The following MED12L variants were observed in gnomAD, a reference collection of about 807,000 sequenced individuals.
The protein encoded by MED12L is mediator complex subunit 12L, also known as mediator of RNA polymerase II transcription subunit 12-like protein.
A neutral mutation model predicts 281.3 loss-of-function variants in MED12L; 60 were observed. That is an observed-to-expected ratio of 0.21 (90% CI 0.17 to 0.26). The LOEUF (loss-of-function observed/expected upper bound fraction) is 0.26, where lower values mean the gene tolerates loss of function less well. Ranked by LOEUF, MED12L falls within the 10% of genes least tolerant of loss-of-function variation. The pLI, the probability that MED12L is intolerant of heterozygous loss-of-function variation, is 1.00. For synonymous variants in MED12L, 974 were observed against 987.2 expected, an observed-to-expected ratio of 0.99 and a Z score of 0.25; for missense variants, 2,146 against 2,680.9, an observed-to-expected ratio of 0.80 and a Z score of 4.41.
intron 38 of MED12L, among the ~76,000 whole-genome samples, chr3:151,391,441 C>T (rs533440895): frequency 6.6e-6 from 1 of 152,278 alleles, no homozygotes; most frequent in South Asian, 2.1e-4. Flanking sequence ...TAGACCCATA[C>T]CCCTTCCCTG....
intron 16 of MED12L, among the ~76,000 whole-genome samples, chr3:151,262,241 G>A (rs1361538216): frequency 1.3e-5 from 2 of 152,202 alleles, no homozygotes; most frequent in Non-Finnish European, 2.9e-5. Context: ...GTTTCAGGAT[G>A]TATCCCATCA....
At chr3:151,099,016 A>G (rs180953226) in intron 2 of MED12L, among the ~76,000 whole-genome samples, 11 of 152,314 alleles carry the variant, frequency 7.2e-5, no homozygotes, top group Non-Finnish European at 7.3e-5. Context: ...TTATAAAACC[A>G]TCAGCTCTCA....
chr3:151,204,851 A>T (rs1231521), intron 16 of MED12L, among the ~76,000 whole-genome samples: 36,675 of 152,088 alleles, frequency 0.24, 5,477 homozygotes, highest in Non-Finnish European at 0.32. Context: ...TCCTCGGTTC[A>T]CTTTAAGGTT....
At chr3:151,165,020 A>G (rs959093216) in intron 9 of MED12L, among the ~76,000 whole-genome samples, 1 of 86,960 alleles carries the variant, frequency 1.1e-5, no homozygotes, top group East Asian at 2.7e-4. Context: ...AAATAAAATC[A>G]TATTCATCCA....
chr3:151,125,618 T>G (rs1354362996), intron 4 of MED12L, among the ~76,000 whole-genome samples: 2 of 152,202 alleles, frequency 1.3e-5, no homozygotes, highest in African/African-American at 4.8e-5. Flanking sequence ...AGAGACAGTC[T>G]CACCTTGACA....
intron 16 of MED12L, among the ~76,000 whole-genome samples, chr3:151,196,774 T>C (rs1174668851): frequency 2.0e-5 from 3 of 152,274 alleles, no homozygotes; most frequent in African/African-American, 7.2e-5. Context: ...AGGCACTTCA[T>C]GCATTTTCTC....
intron 16 of MED12L, among the ~76,000 whole-genome samples, chr3:151,331,305 A>T (rs1358900675): frequency 6.6e-6 from 1 of 152,198 alleles, no homozygotes; most frequent in Non-Finnish European, 1.5e-5. Context: ...CCTTGAAGAC[A>T]CAGCTGAGAA....
intron 16 of MED12L, among the ~76,000 whole-genome samples, chr3:151,237,605 C>G (rs1733180802): frequency 6.6e-6 from 1 of 152,168 alleles, no homozygotes; most frequent in African/African-American, 2.4e-5. Flanking sequence ...CCCGCCTCGG[C>G]CTCCCAAAGT....
At chr3:151,339,940 A>T (rs1014683268) in intron 16 of MED12L, among the ~76,000 whole-genome samples, 3 of 152,156 alleles carry the variant, frequency 2.0e-5, no homozygotes, top group African/African-American at 7.2e-5. Context: ...TTGAAAGTAC[A>T]AATAACAAAT....
chr3:151,123,091 G>A, intron 4 of MED12L, 117 bp downstream of exon 4: 2 of 860,842 alleles, frequency 2.3e-6, no homozygotes, highest in Non-Finnish European at 1.7e-6. Context: ...CCTATTGGCA[G>A]GTTTGTGGTC....
intron 5 of MED12L, among the ~76,000 whole-genome samples, chr3:151,136,810 G>A (rs889609780): frequency 3.3e-5 from 5 of 152,016 alleles, no homozygotes; most frequent in Admixed American, 3.3e-4. Context: ...TTCAATTTTG[G>A]GAGTAGAAAT....
intron 16 of MED12L, among the ~76,000 whole-genome samples, chr3:151,346,110 C>T (rs2149993392): frequency 6.6e-6 from 1 of 152,240 alleles, no homozygotes; most frequent in South Asian, 2.1e-4. Context: ...CATATCAAGG[C>T]CAAGGAATGA....
intron 11 of MED12L, among the ~76,000 whole-genome samples, chr3:151,177,595 T>C (rs34856800): frequency 0.051 from 7,809 of 152,256 alleles, 281 homozygotes; most frequent in Middle Eastern, 0.092. Flanking sequence ...GCTCAAGCTC[T>C]CTTCCCATCT....
At chr3:151,233,750 A>AAACAAT (rs1396973329) in intron 16 of MED12L, among the ~76,000 whole-genome samples, 26 of 152,268 alleles carry the variant, frequency 1.7e-4, no homozygotes, top group African/African-American at 6.3e-4. Context: ...ACAAAAACAA[A>AAACAAT]AACACAGCAC....
At chr3:151,157,678 C>G (rs1167543311) in intron 6 of MED12L, among the ~76,000 whole-genome samples, 1 of 152,054 alleles carries the variant, frequency 6.6e-6, no homozygotes, top group African/African-American at 2.4e-5. Context: ...TAGAAATTAG[C>G]AAGATGTCAT....
At position 151,127,870 on chromosome 3, in the gene MED12L, A is replaced by C. The variant is rs1397670295; in HGVS notation, c.442A>C (p.Lys148Gln). The C allele has an allele frequency of 3.7e-6, 6 of 1,613,040 alleles. No individual in the cohort carries two copies. The highest frequency in any genetic ancestry group is 3.4e-6 in the Non-Finnish European group (4 of 1,179,164). Residue 148 changes from lysine to glutamine, a missense_variant, in exon 5 of 45, where the codon AAA becomes CAA. Transcript: ENST00000687756. Reference protein sequence around the residue: ...KKEDVFAYLAKYSVPMVRATW... With the variant: ...KKEDVFAYLAQYSVPMVRATW... The stretch of plus-strand genomic sequence containing the variant: ...AGAGGATGTTTTTGCATATTTAGCT[A>C]AATATTCTGTGCCAATGGTTCGAGC...
intron 16 of MED12L, among the ~76,000 whole-genome samples, chr3:151,323,707 C>G (rs552085038): frequency 2.6e-4 from 40 of 152,290 alleles, no homozygotes; most frequent in African/African-American, 8.9e-4. Context: ...CACCTCTTAT[C>G]ACATCTTGAG....
rs529226937 is a variant in MED12L at position 151,168,089 on chromosome 3, A to G, written c.1494+2107A>G. 1.7e-3 allele frequency among the ~76,000 whole-genome samples: 264 copies of G among 152,298 alleles called. 3 individuals carry two copies. Among genetic ancestry groups the G allele is most frequent in the East Asian group, 9.6e-4 (5 of 5,184 alleles). Reference sequence around the variant, plus strand: ...AGACACTTAAGTTACAGCACTCTCAAGAAAAAAATAGGGGTGTTTTTTCAA... The same window carrying G: ...AGACACTTAAGTTACAGCACTCTCAGGAAAAAAATAGGGGTGTTTTTTCAA... On this transcript the variant is annotated intron_variant, in intron 11 of 44. Transcript: ENST00000687756.
Position 151,380,134 on chromosome 3 carries a change from A to G in MED12L, c.4500A>G (p.Gln1500=), listed in dbSNP as rs1007284137. Reference sequence around the variant, plus strand: ...GTAGTATGTCTCTTTTGAGTCAACAACCCTTCCTCTCACTGGTACTTACCT... The same window carrying G: ...GTAGTATGTCTCTTTTGAGTCAACAGCCCTTCCTCTCACTGGTACTTACCT... ...KQKSMSLLSQ[Q]PFLSLVLTCL... is the part of the protein sequence containing the mutation. The change falls in exon 32 of 45, where the codon CAA becomes CAG. Residue 1500 remains glutamine, a synonymous_variant. Coordinates refer to ENST00000687756, the MANE Select transcript of MED12L (RefSeq NM_001393769.1). 8.7e-6 allele frequency: 14 copies of G among 1,601,284 alleles called. No individual in the cohort carries two copies. The highest frequency in any genetic ancestry group is 5.6e-5 in the South Asian group (5 of 89,456).
Sources: gnomAD v4.1 joint callset for allele counts (sites outside exome capture counted in the v4.1 genomes callset) on GRCh38, gnomAD v4.1.1 for gene constraint, MANE v1.5 for transcripts, NCBI Gene and HGNC (gene_info 2026-07-23, HGNC 2026-07-21) for gene names.